STK40: variants seen among roughly 807,000 people sequenced by gnomAD.
STK40 encodes the protein serine/threonine-protein kinase 40.
In STK40, 13 loss-of-function variants were observed where a neutral mutation model predicts 47.9. The observed-to-expected ratio is 0.27, with a 90% CI of 0.18 to 0.43. The LOEUF (loss-of-function observed/expected upper bound fraction) is 0.43. STK40 is among the 20% of genes least tolerant of loss of function. The pLI, the probability that STK40 is intolerant of heterozygous loss-of-function variation, is 1.00. For synonymous variants in STK40, 225 were observed against 243.2 expected (o/e 0.93, Z 0.69); for missense variants, 460 against 595.1 (o/e 0.77, Z 2.36).
At chr1:36,344,845 G>A (rs1336617654) in intron 7 of STK40, among the ~76,000 whole-genome samples, 4 of 152,242 alleles carry the variant, frequency 2.6e-5, no homozygotes, top group African/African-American at 9.6e-5. Flanking sequence ...CTCTCTGTGA[G>A]AGTTTCCTCA....
rs751419925 is a variant in STK40, at chr1:36,344,137, G to A, written c.867C>T (p.Ala289=). The change falls in exon 8 of 11, where the codon GCC becomes GCT. Residue 289 remains alanine, a synonymous_variant. Transcript: ENST00000373132. ...GGACTCACTCAGGAATGGTATACTC[G>A]GCAGCCTTGATCTTGCGGAAGAGCT... ...PQELFRKIKA[A]EYTIPEDGRV... is the part of the protein sequence containing the mutation. 13 of 1,600,312 alleles carry A rather than the reference G, an allele frequency of 8.1e-6. No homozygotes were observed. Among genetic ancestry groups the A allele is most frequent in the South Asian group, 5.5e-5 (5 of 90,536 alleles).
At chr1:36,367,618 AC>A (rs1240890287) in intron 1 of STK40, among the ~76,000 whole-genome samples, 1 of 152,110 alleles carries the variant, frequency 6.6e-6, no homozygotes, top group Non-Finnish European at 1.5e-5. Context: ...GGATAGCTCT[AC>A]CCCATGGTTC....
chr1:36,356,162 T>C (rs1016814960), intron 4 of STK40, among the ~76,000 whole-genome samples: 5 of 152,074 alleles, frequency 3.3e-5, no homozygotes, highest in Non-Finnish European at 7.4e-5. Context: ...AATAAGACAA[T>C]CCATGTCCTG....
chr1:36,362,274 G>C (rs534342736), intron 1 of STK40, among the ~76,000 whole-genome samples: 2 of 152,178 alleles, frequency 1.3e-5, no homozygotes, highest in Admixed American at 6.5e-5. Flanking sequence ...CAGGATCCGG[G>C]GGGGACAAGG....
In STK40 at chr1:36,357,025, G is replaced by A. The variant is rs572607332; in HGVS notation, c.342+1214C>T. 9.8e-5 allele frequency among the ~76,000 whole-genome samples: 15 copies of A among 152,286 alleles called. No individual in the cohort carries two copies. The East Asian group carries it at 2.7e-3, about 27-fold the overall frequency. On this transcript the variant is annotated intron_variant, in intron 4 of 10. Transcript: ENST00000373132. ...AGACCTTGCTGGGGTGTATACATGG[G>A]GATGGGAAGTGTTTTCCCTTTGTTT...
intron 1 of STK40, among the ~76,000 whole-genome samples, chr1:36,361,580 G>C (rs1429909259): frequency 6.6e-6 from 1 of 152,192 alleles, no homozygotes; most frequent in Non-Finnish European, 1.5e-5. Flanking sequence ...AGGGTACAGA[G>C]GCGGGGAGCC....
chr1:36,368,666 C>T (rs1257079696), intron 1 of STK40, among the ~76,000 whole-genome samples: 1 of 152,026 alleles, frequency 6.6e-6, no homozygotes, highest in African/African-American at 2.4e-5. Flanking sequence ...CCATGTCAGA[C>T]AGTTAAAGAA....
At chr1:36,375,045 T>C (rs1646980055) in intron 1 of STK40, among the ~76,000 whole-genome samples, 2 of 152,296 alleles carry the variant, frequency 1.3e-5, no homozygotes, top group Non-Finnish European at 2.9e-5. Context: ...GAACAACTGG[T>C]TGATTCTAAA....
intron 1 of STK40, among the ~76,000 whole-genome samples, chr1:36,382,540 T>C (rs770805206): frequency 6.6e-6 from 1 of 152,182 alleles, no homozygotes; most frequent in Non-Finnish European, 1.5e-5. Flanking sequence ...TTTTTAAAAA[T>C]AGTTCTTTTA....
intron 1 of STK40, among the ~76,000 whole-genome samples, chr1:36,383,541 G>C (rs1647058767): frequency 6.6e-6 from 1 of 152,218 alleles, no homozygotes; most frequent in African/African-American, 2.4e-5. Flanking sequence ...CAGAAGCCTA[G>C]GTTTGTCTCC....
intron 3 of STK40, 56 bp downstream of exon 3, chr1:36,358,681 G>C (rs1646826568): frequency 1.3e-6 from 2 of 1,568,002 alleles, no homozygotes; most frequent in Non-Finnish European, 1.8e-6. Context: ...AGGGAGGAGT[G>C]GGTTGGCATG....
rs1476134753 is a variant in STK40, at chr1:36,375,775, CT to C, written c.-9+9947del. 5.1e-4 allele frequency among the ~76,000 whole-genome samples: 78 copies of C among 152,252 alleles called. 1 individual carries two copies. The highest frequency in any genetic ancestry group is 8.2e-4 in the Non-Finnish European group (56 of 68,014). On this transcript the variant is annotated intron_variant, in intron 1 of 10. Transcript: ENST00000373132. ...GTGGCTCACGCCTGTAATCCCAGCACTTTGGGAGGCTGAGGCGGGTGGATCA... is the reference window on the plus strand; with the variant it reads ...GTGGCTCACGCCTGTAATCCCAGCACTTGGGAGGCTGAGGCGGGTGGATCA...
chr1:36,384,467 T>C (rs1647068284), intron 1 of STK40, among the ~76,000 whole-genome samples: 1 of 152,268 alleles, frequency 6.6e-6, no homozygotes, highest in Non-Finnish European at 1.5e-5. Flanking sequence ...TTGTATGTTT[T>C]ACATGTTAAC....
At chr1:36,354,330 G>C (rs750329729) in intron 6 of STK40, 34 bp downstream of exon 6, 11 of 1,612,628 alleles carry the variant, frequency 6.8e-6, no homozygotes, top group Non-Finnish European at 8.5e-6. Flanking sequence ...CCAGCCCCGG[G>C]GTAACTGTAT....
At chr1:36,375,487 AC>A (rs1489377610) in intron 1 of STK40, among the ~76,000 whole-genome samples, 1 of 151,382 alleles carries the variant, frequency 6.6e-6, no homozygotes, top group African/African-American at 2.4e-5. Flanking sequence ...AGCCTGGGTG[AC>A]AGAGCGAGAC....
chr1:36,385,403 G>T (rs1414090637), intron 1 of STK40, among the ~76,000 whole-genome samples: 1 of 152,218 alleles, frequency 6.6e-6, no homozygotes, highest in African/African-American at 2.4e-5. Context: ...TTTTTGGAAA[G>T]ATCTGGCTGG....
At chr1:36,345,538 C>T (rs1216112491) in intron 7 of STK40, among the ~76,000 whole-genome samples, 7 of 152,152 alleles carry the variant, frequency 4.6e-5, no homozygotes, top group South Asian at 2.1e-4. Flanking sequence ...TTCCAGCGCC[C>T]GGTGCCAAAG....
intron 3 of STK40, 132 bp from the exon 4 acceptor site, chr1:36,358,514 G>T: frequency 7.6e-7 from 1 of 1,321,142 alleles, no homozygotes; most frequent in Non-Finnish European, 1.0e-6. Context: ...AACACACCAA[G>T]TGAAATCGTT....
chr1:36,359,585 C>T (rs1646834272), intron 2 of STK40, among the ~76,000 whole-genome samples: 1 of 152,224 alleles, frequency 6.6e-6, no homozygotes, highest in African/African-American at 2.4e-5. Context: ...TGCTCACTGT[C>T]CCGTGACAGC....
Sources: gnomAD v4.1 joint callset for allele counts (sites outside exome capture counted in the v4.1 genomes callset) on GRCh38, gnomAD v4.1.1 for gene constraint, MANE v1.5 for transcripts, NCBI Gene and HGNC (gene_info 2026-07-23, HGNC 2026-07-21) for gene names.